Variants in TRAPPC8 observed in about 807,000 individuals in gnomAD.
TRAPPC8 encodes general sporulation gene 1 homolog.
Under a neutral mutation model 174.3 loss-of-function variants are expected in TRAPPC8, and 54 were observed. The ratio of observed to expected loss-of-function variants is 0.31; its 90% CI spans 0.25 to 0.39. The LOEUF is 0.39. TRAPPC8 is among the 10% of genes least tolerant of loss of function. The probability of loss-of-function intolerance (pLI) is 1.00; values close to 1 mark genes in which losing one functional copy is unlikely to be tolerated. For synonymous variants in TRAPPC8, 630 were observed against 579.9 expected (o/e 1.09, Z -1.24); for missense variants, 1,531 against 1,699.1 (o/e 0.90, Z 1.74).
intron 22 of TRAPPC8, among the ~76,000 whole-genome samples, chr18:31,853,373 T>C (rs2033815420): frequency 6.6e-6 from 1 of 152,196 alleles, no homozygotes; most frequent in South Asian, 2.1e-4. Context: ...GTTCAGGCAA[T>C]TCTCCTGCCT....
intron 1 of TRAPPC8, among the ~76,000 whole-genome samples, chr18:31,935,548 T>TAAA (rs10650702): frequency 0.014 from 663 of 46,242 alleles, 52 homozygotes; most frequent in African/African-American, 0.056. Flanking sequence ...AACTCCATCT[T>TAAA]AAAAAAAAAA....
chr18:31,917,273 C>A (rs950004911), intron 3 of TRAPPC8, among the ~76,000 whole-genome samples: 1 of 151,926 alleles, frequency 6.6e-6, no homozygotes, highest in African/African-American at 2.4e-5. Context: ...TTTAGATTTT[C>A]TTTCTAAAAT....
In TRAPPC8 at chr18:31,908,849, T is replaced by G; in HGVS notation, c.1027A>C (p.Thr343Pro). ...GIIHGACLTLTDHDRIRQFIQ... is the reference protein window; with the variant it reads ...GIIHGACLTLPDHDRIRQFIQ... ...AACTGTCGAATTCTATCATGATCAG[T>G]AAGTGTTAAACATGCACCATGAATT... Residue 343 changes from threonine (T) to proline (P), a missense_variant, in exon 7 of 29, where the codon ACT becomes CCT. Physicochemically the swap from Thr to Pro is conservative, Grantham distance 38. Coordinates refer to ENST00000283351, the MANE Select transcript of TRAPPC8 (RefSeq NM_014939.5). 6.2e-7 allele frequency: 1 copy of G among 1,613,838 alleles called. No homozygotes were observed. Among genetic ancestry groups the G allele is most frequent in the Non-Finnish European group, 8.5e-7 (1 of 1,179,804 alleles).
chr18:31,924,462 G>GAAA (rs1183461154), intron 2 of TRAPPC8, among the ~76,000 whole-genome samples: 1 of 96,880 alleles, frequency 1.0e-5, no homozygotes. Context: ...CCTCCCCACC[G>GAAA]AAAAAAAAAA....
intron 1 of TRAPPC8, among the ~76,000 whole-genome samples, chr18:31,935,548 T>TA (rs10650702): frequency 0.046 from 2,152 of 46,398 alleles, 316 homozygotes; most frequent in African/African-American, 0.17. Context: ...AACTCCATCT[T>TA]AAAAAAAAAA....
intron 4 of TRAPPC8, among the ~76,000 whole-genome samples, chr18:31,915,460 C>T: frequency 1.0e-5 from 1 of 96,854 alleles, no homozygotes; most frequent in Non-Finnish European, 2.0e-5. Context: ...GAAACCCCAT[C>T]AAAAAAAAAG....
intron 2 of TRAPPC8, among the ~76,000 whole-genome samples, chr18:31,925,913 T>C (rs1413030264): frequency 3.3e-5 from 5 of 152,170 alleles, no homozygotes; most frequent in African/African-American, 1.2e-4. Flanking sequence ...CATTCATTCC[T>C]CAAAAATTTT....
chr18:31,933,126 C>G (rs1568154165), intron 1 of TRAPPC8, among the ~76,000 whole-genome samples: 1 of 151,650 alleles, frequency 6.6e-6, no homozygotes, highest in Non-Finnish European at 1.5e-5. Context: ...ACGGTGAAAC[C>G]CTGTCTCTAC....
intron 1 of TRAPPC8, among the ~76,000 whole-genome samples, chr18:31,932,997 C>CAAAAAAAAAAAA (rs35234467): frequency 2.3e-5 from 1 of 42,682 alleles, no homozygotes; most frequent in African/African-American, 1.5e-4. Flanking sequence ...GACTCCGTCT[C>CAAAAAAAAAAAA]AAAAAAAAAA....
rs1048980830 is a variant in TRAPPC8 at position 31,921,625 on chromosome 18, A to G, written c.353-3958T>C. ...CAGAGCGAGACTCCGTCTCAAAAAA[A>G]AAAAAAAAAAAAGTTATCTTTGAGA... On this transcript the variant is annotated intron_variant, in intron 2 of 28. Coordinates refer to ENST00000283351, the MANE Select transcript of TRAPPC8 (RefSeq NM_014939.5). Among the ~76,000 whole-genome samples the G allele has an allele frequency of 2.6e-5, 4 of 152,014 alleles. 1 individual carries two copies. Among genetic ancestry groups the G allele is most frequent in the Admixed American group, 2.6e-4 (4 of 15,260 alleles).
intron 9 of TRAPPC8, among the ~76,000 whole-genome samples, chr18:31,902,602 G>GT (rs2036479810): frequency 6.6e-6 from 1 of 152,074 alleles, no homozygotes; most frequent in Admixed American, 6.5e-5. Context: ...TTTTGGTTGT[G>GT]GTATCATCTG....
At chr18:31,869,855 G>A (rs1312690300) in intron 16 of TRAPPC8, among the ~76,000 whole-genome samples, 2 of 152,154 alleles carry the variant, frequency 1.3e-5, no homozygotes, top group African/African-American at 4.8e-5. Flanking sequence ...TCGGGAGGCT[G>A]AGGCGGGAGG....
intron 10 of TRAPPC8, among the ~76,000 whole-genome samples, chr18:31,898,644 T>C (rs961916728): frequency 1.3e-5 from 2 of 152,268 alleles, no homozygotes; most frequent in African/African-American, 4.8e-5. Context: ...ATATTTCTGC[T>C]GGAGATGGCT....
At chr18:31,855,427 G>A (rs1253222237) in intron 21 of TRAPPC8, among the ~76,000 whole-genome samples, 1 of 152,104 alleles carries the variant, frequency 6.6e-6, no homozygotes, top group Non-Finnish European at 1.5e-5. Flanking sequence ...GAACTATATA[G>A]CATATCAGTG....
rs932627535 is a variant in TRAPPC8, at chr18:31,909,016, G to A, written c.866-6C>T. On this transcript the variant is annotated splice_region_variant and splice_polypyrimidine_tract_variant and intron_variant, in intron 6 of 28. Transcript: ENST00000283351. Reference sequence around the variant, plus strand: ...AAAGTTATTTGGTAAGCCATCTACTGAAAAAGAGATTATTTCTTTTACTCT... The same window carrying A: ...AAAGTTATTTGGTAAGCCATCTACTAAAAAAGAGATTATTTCTTTTACTCT... 1.3e-6 allele frequency: 2 copies of A among 1,577,734 alleles called. No homozygotes were observed. The highest frequency in any genetic ancestry group is 8.6e-7 in the Non-Finnish European group (1 of 1,160,446).
chr18:31,841,371 T>A (rs1006954886), intron 26 of TRAPPC8, among the ~76,000 whole-genome samples: 1 of 152,036 alleles, frequency 6.6e-6, no homozygotes, highest in Admixed American at 6.6e-5. Flanking sequence ...ATAATAAAAA[T>A]TTTAAAAAAT....
intron 12 of TRAPPC8, among the ~76,000 whole-genome samples, chr18:31,881,745 C>T (rs562365255): frequency 3.0e-4 from 45 of 151,856 alleles, no homozygotes; most frequent in African/African-American, 8.7e-4. Flanking sequence ...ACTACACATC[C>T]GACAAAGGAC....
At chr18:31,915,400 C>T (rs1403583504) in intron 4 of TRAPPC8, among the ~76,000 whole-genome samples, 2 of 144,914 alleles carry the variant, frequency 1.4e-5, no homozygotes, top group Admixed American at 1.4e-4. Context: ...AGCACAGAGG[C>T]TGCAGTGAGC....
At chr18:31,885,154 G>A (rs1489352275) in intron 12 of TRAPPC8, among the ~76,000 whole-genome samples, 3 of 152,106 alleles carry the variant, frequency 2.0e-5, no homozygotes, top group African/African-American at 7.2e-5. Flanking sequence ...ACCGTACCCA[G>A]CCAAAATTAA....
Sources: allele counts gnomAD v4.1 joint callset (sites outside exome capture counted in the v4.1 genomes callset), GRCh38; gene constraint gnomAD v4.1.1; transcripts MANE v1.5; gene names NCBI Gene and HGNC (gene_info 2026-07-23, HGNC 2026-07-21).